Variants in CHEK1 observed in about 807,000 individuals in gnomAD.
CHEK1 encodes the protein checkpoint kinase 1, also known as serine/threonine-protein kinase Chk1.
CHEK1 carries 32 observed loss-of-function variants against 60.2 expected under a neutral mutation model. That is an observed-to-expected ratio of 0.53 (90% CI 0.40 to 0.71). The LOEUF is 0.71. Ranked by LOEUF, CHEK1 falls within the 30% of genes least tolerant of loss-of-function variation. The pLI is 0.00. For missense variants in CHEK1, 399 were observed against 564.6 expected, an observed-to-expected ratio of 0.71 and a Z score of 2.97; for synonymous variants, 179 against 187.2, an observed-to-expected ratio of 0.96 and a Z score of 0.36.
intron 3 of CHEK1, among the ~76,000 whole-genome samples, chr11:125,628,302 G>A (rs1435303814): frequency 1.3e-5 from 2 of 152,094 alleles, no homozygotes. Flanking sequence ...TAAATTCTAT[G>A]TTTGCTATTA....
rs770919247 is a variant in CHEK1 at position 125,653,622 on chromosome 11, G to A, written c.1234-124G>A. On this transcript the variant is annotated intron_variant, in intron 11 of 12. Coordinates refer to ENST00000438015, the MANE Select transcript of CHEK1 (RefSeq NM_001114122.3). This position sits in a 1 kb window ranked among gnomAD's most constrained non-coding sequence, Gnocchi z 4.3. ...TTTCCTTTGGATCAGTAGTGGGATTGCTGGAACATATAGGTAGTTTTATTT... is the reference window on the plus strand; with the variant it reads ...TTTCCTTTGGATCAGTAGTGGGATTACTGGAACATATAGGTAGTTTTATTT... 5 of 618,826 alleles carry A rather than the reference G, an allele frequency of 8.1e-6. No individual in the cohort carries two copies. Among genetic ancestry groups the A allele is most frequent in the East Asian group, 2.9e-5 (1 of 33,950 alleles). 38.3% of individuals were successfully genotyped at this position (618,826 alleles called of 1,614,324 possible).
intron 13 of CHEK1, chr11:125,672,485 C>G (rs531126795): frequency 7.7e-7 from 1 of 1,302,490 alleles, no homozygotes; most frequent in Admixed American, 2.0e-5. Flanking sequence ...CAGGCAGAGG[C>G]AGATGTGGTC....
At chr11:125,660,286 T>A (rs1004050808), downstream of CHEK1, among the ~76,000 whole-genome samples, 2 of 152,244 alleles carry the variant, frequency 1.3e-5, no homozygotes, top group Non-Finnish European at 2.9e-5. Flanking sequence ...ACTGAGTTAA[T>A]CATATTCAGA....
At chr11:125,676,457 G>C (rs1368816923), downstream of CHEK1, 1 of 1,614,030 alleles carries the variant, frequency 6.2e-7, no homozygotes, top group Non-Finnish European at 8.5e-7. Context: ...ATAAGCACAT[G>C]TGTAGCAATT....
At position 125,642,558 on chromosome 11, in the gene CHEK1, G is replaced by A. The variant is rs113199860; in HGVS notation, c.815-1234G>A. 1.4e-4 allele frequency among the ~76,000 whole-genome samples: 22 copies of A among 152,288 alleles called. 1 individual carries two copies. Among genetic ancestry groups the A allele is most frequent in the African/African-American group, 5.3e-4 (22 of 41,574 alleles). ...CAGGTTTAAAAAAAAACTTGAGCAT[G>A]TTTAAAAAGAAACAAACTTAAGCAT... On this transcript the variant is annotated intron_variant, in intron 8 of 12. Coordinates refer to ENST00000438015, the MANE Select transcript of CHEK1 (RefSeq NM_001114122.3).
chr11:125,627,593 CTTTTCCTT>C lies in CHEK1; in HGVS notation c.66-10_66-3del. 1 of 1,593,838 alleles carries C rather than the reference CTTTTCCTT, an allele frequency of 6.3e-7. No homozygotes were observed. ...AATGGAATTCTGTAATGTTAAAACT[CTTTTCCTT>C]TTTAGAGTTCAACTTGCTGTGAATA... On this transcript the variant is annotated splice_polypyrimidine_tract_variant and splice_region_variant and intron_variant, in intron 2 of 12. Coordinates refer to ENST00000438015, the MANE Select transcript of CHEK1 (RefSeq NM_001114122.3).
In CHEK1 at chr11:125,637,452, T is replaced by C. The variant is rs1941117327; in HGVS notation, c.722T>C (p.Leu241Pro). The C allele has an allele frequency of 1.2e-6, 2 of 1,603,370 alleles. No homozygotes were observed. The highest frequency in any genetic ancestry group is 1.7e-6 in the Non-Finnish European group (2 of 1,174,702). Residue 241 changes from leucine to proline, a missense_variant, in exon 8 of 13, where the codon CTG (leucine) becomes CCG (proline). Physicochemically the swap from Leu to Pro is moderately conservative, Grantham distance 98. Coordinates refer to ENST00000438015, the MANE Select transcript of CHEK1 (RefSeq NM_001114122.3). Reference sequence around the variant, plus strand: ...TTGTCGTAATGTTTGTTTTTAGCTCTGCTGCATAAAATCTTAGTTGAGAAT... The same window carrying C: ...TTGTCGTAATGTTTGTTTTTAGCTCCGCTGCATAAAATCTTAGTTGAGAAT... ...WKKIDSAPLALLHKILVENPS... is the reference protein window; with the variant it reads ...WKKIDSAPLAPLHKILVENPS...
rs1350540063 is a variant in CHEK1 at position 125,633,477 on chromosome 11, G to A, written c.613+126G>A. ...TTTGTTTTCTTTTTTAAGAGACAGG[G>A]TCTCACTCTTGGCCAGACTGGAGTA... is the stretch of plus-strand genomic sequence containing the variant. On this transcript the variant is annotated intron_variant, in intron 6 of 12. Coordinates refer to ENST00000438015, the MANE Select transcript of CHEK1 (RefSeq NM_001114122.3). The A allele has an allele frequency of 1.5e-5, 13 of 847,180 alleles. No individual in the cohort carries two copies. The Admixed American group carries it at 2.4e-4, about 16-fold the overall frequency. 52.5% of individuals were successfully genotyped at this position (847,180 alleles called of 1,614,324 possible).
At chr11:125,675,528 G>T (rs1942460630) in intron 13 of CHEK1, among the ~76,000 whole-genome samples, 1 of 152,204 alleles carries the variant, frequency 6.6e-6, no homozygotes, top group African/African-American at 2.4e-5. Flanking sequence ...GAGGAGTCAG[G>T]CAGTGTGGTT....
chr11:125,655,330 C>T lies in CHEK1; in HGVS notation c.*10C>T, dbSNP rs747973479. 19 of 1,579,472 alleles carry T rather than the reference C, an allele frequency of 1.2e-5. No homozygotes were observed. The highest frequency in any genetic ancestry group is 8.4e-5 in the Admixed American group (5 of 59,804). ...GCTTCCTGCCACATGATCGGACCAT[C>T]GGCTCTGGGGAATCCTGGTGAATAT... On this transcript the variant is annotated 3_prime_UTR_variant, in exon 13 of 13. Coordinates refer to ENST00000438015, the MANE Select transcript of CHEK1 (RefSeq NM_001114122.3).
chr11:125,646,988 A>G (rs1941529510), intron 11 of CHEK1, among the ~76,000 whole-genome samples: 1 of 152,070 alleles, frequency 6.6e-6, no homozygotes, highest in African/African-American at 2.4e-5. Flanking sequence ...TGGATCTATA[A>G]TTTCTCTTTT....
At chr11:125,672,788 T>C in intron 13 of CHEK1, 1 of 1,582,952 alleles carries the variant, frequency 6.3e-7, no homozygotes, top group Non-Finnish European at 8.6e-7. Flanking sequence ...TCTGTGATGC[T>C]CAGTGTCTCC....
chr11:125,627,912 G>C, intron 3 of CHEK1, 82 bp downstream of exon 3: 1 of 1,134,946 alleles, frequency 8.8e-7, no homozygotes, highest in Non-Finnish European at 1.2e-6. Context: ...TTTGGTCGTT[G>C]TCCTTTCAAA....
intron 1 of CHEK1, 183 bp downstream of exon 1, chr11:125,626,195 G>A: frequency 1.7e-6 from 1 of 594,740 alleles, no homozygotes; most frequent in Middle Eastern, 4.4e-4. Context: ...CCGTTGTGGG[G>A]GCGGGGGCAG....
intron 5 of CHEK1, among the ~76,000 whole-genome samples, chr11:125,632,251 G>C (rs2135987040): frequency 6.6e-6 from 1 of 152,126 alleles, no homozygotes; most frequent in African/African-American, 2.4e-5. Context: ...AAATAATATT[G>C]CTATGAATAT....
intron 3 of CHEK1, 81 bp from the exon 4 acceptor site, chr11:125,629,151 G>A: frequency 7.3e-7 from 1 of 1,378,234 alleles, no homozygotes; most frequent in Non-Finnish European, 1.0e-6. Flanking sequence ...ATTTGTAAAT[G>A]TCTAAGCTTC....
intron 11 of CHEK1, among the ~76,000 whole-genome samples, chr11:125,650,143 A>C: frequency 6.8e-6 from 1 of 146,018 alleles, no homozygotes; most frequent in East Asian, 2.0e-4. Flanking sequence ...ATTTCTTCAG[A>C]TTTTTTTTTT....
intron 13 of CHEK1, among the ~76,000 whole-genome samples, chr11:125,670,441 A>AGTAAAT (rs1205653790): frequency 6.6e-6 from 1 of 152,192 alleles, no homozygotes; most frequent in Non-Finnish European, 1.5e-5. Context: ...GAGGAATTGT[A>AGTAAAT]GAGATTCTGT....
chr11:125,668,496 G>C (rs926673710), intron 13 of CHEK1, among the ~76,000 whole-genome samples: 4 of 151,274 alleles, frequency 2.6e-5, no homozygotes, highest in Non-Finnish European at 5.9e-5. Context: ...AATTGTTGGG[G>C]GTTTTTTAAA....
Sources: gnomAD v4.1 joint callset for allele counts (sites outside exome capture counted in the v4.1 genomes callset) on GRCh38, gnomAD v4.1.1 for gene constraint, Gnocchi (gnomAD v3.1) non-coding constraint, MANE v1.5 for transcripts, NCBI Gene and HGNC (gene_info 2026-07-23, HGNC 2026-07-21) for gene names.